The following MBP variants were observed in gnomAD, a reference collection of about 807,000 sequenced individuals.
MBP encodes the protein Golli-MBP.
A neutral mutation model predicts 35.8 loss-of-function variants in MBP; 16 were observed. That is an observed-to-expected ratio of 0.45 (90% confidence interval 0.30 to 0.68). The LOEUF is 0.68. MBP is among the 30% of genes least tolerant of loss of function. MBP has a pLI of 0.08. For missense variants in MBP, 380 were observed against 404.7 expected (o/e 0.94, Z 0.52); for synonymous variants, 143 against 159.6 (o/e 0.90, Z 0.78).
At chr18:77,018,911 T>TCCAC (rs1971844265) in intron 3 of MBP, among the ~76,000 whole-genome samples, 2 of 134,814 alleles carry the variant, frequency 1.5e-5, no homozygotes, top group Non-Finnish European at 3.2e-5. Context: ...CATCCATCCA[T>TCCAC]CCACTCATGT....
intron 1 of MBP, among the ~76,000 whole-genome samples, chr18:77,106,139 A>G (rs1976268752): frequency 6.6e-6 from 1 of 152,236 alleles, no homozygotes; most frequent in African/African-American, 2.4e-5. Context: ...AAAAGGTGTG[A>G]GTACCCATTC....
At chr18:77,022,252 T>G (rs563121201) in intron 3 of MBP, among the ~76,000 whole-genome samples, 2 of 152,242 alleles carry the variant, frequency 1.3e-5, no homozygotes, top group South Asian at 4.2e-4. Context: ...GAACCCAGGG[T>G]CGCGGTGGTC....
chr18:77,045,876 C>T (rs967801252), intron 3 of MBP, among the ~76,000 whole-genome samples: 1 of 152,116 alleles, frequency 6.6e-6, no homozygotes, highest in Non-Finnish European at 1.5e-5. Context: ...TTTTGTCCTG[C>T]GGGAGTGTTT....
chr18:77,112,232 G>A (rs1220294046), intron 1 of MBP, among the ~76,000 whole-genome samples: 2 of 151,720 alleles, frequency 1.3e-5, no homozygotes, highest in African/African-American at 4.8e-5. Context: ...TCGGAGCTGA[G>A]GACAAGGCGT....
intron 1 of MBP, among the ~76,000 whole-genome samples, chr18:77,130,533 C>G (rs971426142): frequency 8.6e-5 from 13 of 151,836 alleles, no homozygotes; most frequent in Admixed American, 3.9e-4. Context: ...CACTCCCAGG[C>G]GACAGAAAAG....
At chr18:77,066,236 T>A in intron 3 of MBP, 62 bp downstream of exon 3, 1 of 1,227,008 alleles carries the variant, frequency 8.1e-7, no homozygotes, top group African/African-American at 1.5e-5. Context: ...CTTCCCCGAG[T>A]GAGAGTGCAG....
intron 2 of MBP, among the ~76,000 whole-genome samples, chr18:77,087,060 C>A (rs1975264436): frequency 6.6e-6 from 1 of 152,354 alleles, no homozygotes; most frequent in Non-Finnish European, 1.5e-5. Context: ...ATCACTACAG[C>A]CCCTTTATTA....
chr18:77,107,036 T>A (rs1336491287), intron 1 of MBP, among the ~76,000 whole-genome samples: 2 of 152,204 alleles, frequency 1.3e-5, no homozygotes. Flanking sequence ...GAACCCTGGG[T>A]ACACAGGGGC....
chr18:77,082,766 C>A (rs375145316), intron 2 of MBP, among the ~76,000 whole-genome samples: 228 of 33,384 alleles, frequency 6.8e-3, no homozygotes, highest in East Asian at 0.037. Flanking sequence ...AGCAGCTGGA[C>A]CAGGTGGTCT....
chr18:77,028,922 C>T (rs1972398526), intron 3 of MBP, among the ~76,000 whole-genome samples: 1 of 108,574 alleles, frequency 9.2e-6, no homozygotes, highest in African/African-American at 2.8e-5. Flanking sequence ...ACTCTCCTCA[C>T]TTTCCAGACT....
intron 4 of MBP, among the ~76,000 whole-genome samples, chr18:76,997,050 C>T (rs1318013664): frequency 6.6e-6 from 1 of 152,182 alleles, no homozygotes; most frequent in Non-Finnish European, 1.5e-5. Context: ...CTAGAGCGTC[C>T]TCCCCCTCCA....
chr18:77,115,546 A>G (rs1441473321), intron 1 of MBP: 2 of 152,196 alleles, frequency 1.3e-5, no homozygotes, highest in Non-Finnish European at 2.9e-5. Flanking sequence ...AATCAAGGAG[A>G]AGAATGCTGT....
chr18:77,035,425 G>C (rs1456983147), intron 3 of MBP, among the ~76,000 whole-genome samples: 1 of 152,188 alleles, frequency 6.6e-6, no homozygotes, highest in East Asian at 1.9e-4. Flanking sequence ...AATCTATCCT[G>C]TTTTTCTCTT....
chr18:77,080,795 T>G (rs1974863680), intron 2 of MBP, among the ~76,000 whole-genome samples: 1 of 152,206 alleles, frequency 6.6e-6, no homozygotes, highest in Non-Finnish European at 1.5e-5. Flanking sequence ...GCAATTCTCC[T>G]GCCTCAGCCT....
intron 4 of MBP, among the ~76,000 whole-genome samples, chr18:76,997,687 CTTTTT>C (rs60063911): frequency 6.8e-6 from 1 of 146,956 alleles, no homozygotes; most frequent in East Asian, 2.0e-4. Flanking sequence ...ATCTGAGCCA[CTTTTT>C]TTTTTTTTGA....
intron 4 of MBP, among the ~76,000 whole-genome samples, chr18:77,012,476 C>G (rs1971409678): frequency 6.6e-6 from 1 of 152,234 alleles, no homozygotes; most frequent in Non-Finnish European, 1.5e-5. Flanking sequence ...GACCAGAACA[C>G]CGAACTGTCA....
chr18:77,022,180 TTA>T, intron 3 of MBP, among the ~76,000 whole-genome samples: 1 of 152,152 alleles, frequency 6.6e-6, no homozygotes, highest in Non-Finnish European at 1.5e-5. Context: ...CCAAGGCAGG[TTA>T]ACCTGCTCTC....
chr18:77,095,611 A>C (rs887036156), intron 2 of MBP: 1 of 152,256 alleles, frequency 6.6e-6, no homozygotes, highest in Non-Finnish European at 1.5e-5. Context: ...AGGAAGTGTA[A>C]GGGAGGGACA....
At chr18:77,076,761 A>G (rs563722078) in intron 2 of MBP, among the ~76,000 whole-genome samples, 86 of 152,306 alleles carry the variant, frequency 5.6e-4, no homozygotes, top group African/African-American at 2.0e-3. Context: ...ACTTTTGAGT[A>G]TGAGGTTAAA....
Sources: allele counts gnomAD v4.1 joint callset (sites outside exome capture counted in the v4.1 genomes callset), GRCh38; gene constraint gnomAD v4.1.1; transcripts MANE v1.5; gene names NCBI Gene and HGNC (gene_info 2026-07-23, HGNC 2026-07-21).